The following ELAVL1 variants were observed in gnomAD, a reference collection of about 807,000 sequenced individuals.
The protein encoded by ELAVL1 is ELAV-like protein 1.
In ELAVL1, 1 loss-of-function variant was observed where a neutral mutation model predicts 28.4. The observed-to-expected ratio is 0.04, with a 90% CI of 0.01 to 0.17. The LOEUF (loss-of-function observed/expected upper bound fraction) is 0.17. Among genes scored for constraint, ELAVL1 ranks in the 10% least tolerant of loss-of-function variants. The pLI is 1.00. For synonymous variants in ELAVL1, 174 were observed against 183.5 expected (o/e 0.95, Z 0.42); for missense variants, 157 against 447.2 (o/e 0.35, Z 5.85).
rs1985380986 is a variant in ELAVL1, at chr19:7,979,016, C to T, written c.276+2067G>A. Reference sequence around the variant, plus strand: ...TCCCTCAGTATCAACGTATCTGGCCCAGCACCACACTGGCCAGGGGCTCAG... The same window carrying T: ...TCCCTCAGTATCAACGTATCTGGCCTAGCACCACACTGGCCAGGGGCTCAG... On this transcript the variant is annotated intron_variant, in intron 3 of 5. Transcript: ENST00000407627. The surrounding 1 kb of genome is among the most constrained non-coding windows in gnomAD (Gnocchi z 5.4). 6.6e-6 allele frequency among the ~76,000 whole-genome samples: 1 copy of T among 152,216 alleles called. No homozygotes were observed. Among genetic ancestry groups the T allele is most frequent in the South Asian group, 2.1e-4 (1 of 4,832 alleles).
intron 2 of ELAVL1, among the ~76,000 whole-genome samples, chr19:7,990,966 C>T (rs993746765): frequency 6.6e-6 from 1 of 152,148 alleles, no homozygotes; most frequent in Admixed American, 6.5e-5. Flanking sequence ...CAAACACCTA[C>T]GAGGTAGGGA....
chr19:7,984,160 C>T (rs920482906), intron 2 of ELAVL1, among the ~76,000 whole-genome samples: 3 of 152,206 alleles, frequency 2.0e-5, no homozygotes, highest in Non-Finnish European at 2.9e-5. Context: ...TGGTCAAGCT[C>T]TTCTCTGTCC....
rs1310305135 is a variant in ELAVL1 at position 7,981,394 on chromosome 19, G to A, written c.173-208C>T. On this transcript the variant is annotated intron_variant, in intron 2 of 5. Transcript: ENST00000407627. This position sits in a 1 kb window ranked among gnomAD's most constrained non-coding sequence, Gnocchi z 4.2. ...TTTTAAAGAGATAGGATCTTGCTCT[G>A]TCACCCAGGGTGGAGTCCAGCGCTG... Among the ~76,000 whole-genome samples, 6 of 145,278 alleles carry A rather than the reference G, an allele frequency of 4.1e-5. No homozygotes were observed. The highest frequency in any genetic ancestry group is 9.0e-5 in the Non-Finnish European group (6 of 66,852).
intron 4 of ELAVL1, among the ~76,000 whole-genome samples, chr19:7,969,515 G>A (rs1479926278): frequency 6.6e-6 from 1 of 152,162 alleles, no homozygotes; most frequent in Non-Finnish European, 1.5e-5. Context: ...GGAATATTCT[G>A]GGGCTCAAGC....
At chr19:7,970,792 G>T (rs1985086433) in intron 4 of ELAVL1, among the ~76,000 whole-genome samples, 1 of 148,632 alleles carries the variant, frequency 6.7e-6, no homozygotes, top group African/African-American at 2.5e-5. Context: ...GAACTCCTGG[G>T]CTCAAGCAAT....
At chr19:7,967,354 C>A (rs542317753) in intron 5 of ELAVL1, among the ~76,000 whole-genome samples, 1 of 152,300 alleles carries the variant, frequency 6.6e-6, no homozygotes, top group Middle Eastern at 3.4e-3. Context: ...TGTTTTGATT[C>A]CCATGAAAGA....
chr19:7,998,433 GT>G (rs750717850), intron 1 of ELAVL1, among the ~76,000 whole-genome samples: 2 of 152,202 alleles, frequency 1.3e-5, no homozygotes, highest in Non-Finnish European at 2.9e-5. Flanking sequence ...CCATTAATAA[GT>G]GGCAGGGCCA....
intron 3 of ELAVL1, among the ~76,000 whole-genome samples, chr19:7,978,915 G>A (rs1022449164): frequency 6.6e-6 from 1 of 152,146 alleles, no homozygotes; most frequent in African/African-American, 2.4e-5. Flanking sequence ...TCAGTTGAAC[G>A]CACAACTCCA....
chr19:7,977,808 G>A (rs1361153280), intron 3 of ELAVL1, among the ~76,000 whole-genome samples: 2 of 152,274 alleles, frequency 1.3e-5, no homozygotes, highest in East Asian at 1.9e-4. Flanking sequence ...CAAGGCTCCA[G>A]GAGGCCCTGC....
intron 1 of ELAVL1, among the ~76,000 whole-genome samples, chr19:8,003,807 T>C (rs2081077685): frequency 6.6e-6 from 1 of 152,144 alleles, no homozygotes; most frequent in Admixed American, 6.6e-5. Flanking sequence ...TCCTTCCACA[T>C]TTGAGACGTT....
chr19:7,996,683 G>T (rs897787580), intron 1 of ELAVL1, among the ~76,000 whole-genome samples: 1 of 151,932 alleles, frequency 6.6e-6, no homozygotes, highest in Non-Finnish European at 1.5e-5. Context: ...CGTGGTGGTG[G>T]GCATCTGTAA....
intron 1 of ELAVL1, among the ~76,000 whole-genome samples, chr19:8,004,514 G>T (rs1329095480): frequency 6.6e-6 from 1 of 152,178 alleles, no homozygotes; most frequent in Non-Finnish European, 1.5e-5. Context: ...CTGGCATCTA[G>T]TGGGTAGAGG....
At chr19:7,980,133 T>C (rs1985414705) in intron 3 of ELAVL1, among the ~76,000 whole-genome samples, 1 of 152,102 alleles carries the variant, frequency 6.6e-6, no homozygotes, top group South Asian at 2.1e-4. Flanking sequence ...TCATTCCAAA[T>C]GGCCTTGGAG....
At position 7,972,352 on chromosome 19, in the gene ELAVL1, C is replaced by T. The variant is rs118107220; in HGVS notation, c.430+1373G>A. On this transcript the variant is annotated intron_variant, in intron 4 of 5. Transcript: ENST00000407627. ...CCAGGCAGTAGGGCCGGAGCACAGC[C>T]GTGGGCGTGCACATGTCCCCTGCTC... Among the ~76,000 whole-genome samples the T allele has an allele frequency of 4.8e-3, 732 of 152,366 alleles. 7 individuals are homozygous for T. Among genetic ancestry groups the T allele is most frequent in the East Asian group, 0.025 (129 of 5,188 alleles).
At chr19:8,003,033 G>A (rs1252117240) in intron 1 of ELAVL1, among the ~76,000 whole-genome samples, 4 of 152,192 alleles carry the variant, frequency 2.6e-5, no homozygotes, top group Non-Finnish European at 5.9e-5. Flanking sequence ...GAAGCGGAGA[G>A]TGAGAGAGGC....
At chr19:7,978,683 C>T (rs1985370571) in intron 3 of ELAVL1, among the ~76,000 whole-genome samples, 1 of 152,176 alleles carries the variant, frequency 6.6e-6, no homozygotes, top group Admixed American at 6.5e-5. Flanking sequence ...GTGAGTCATG[C>T]ACCCTGAAGG....
At chr19:7,983,979 G>A in intron 2 of ELAVL1, among the ~76,000 whole-genome samples, 1 of 152,050 alleles carries the variant, frequency 6.6e-6, no homozygotes, top group East Asian at 1.9e-4. Context: ...CGTCTCCCTG[G>A]CTGTCCCTCC....
Position 7,979,673 on chromosome 19 carries a change from C to G in ELAVL1, c.276+1410G>C, listed in dbSNP as rs77815058. ...CTTGGCTGCCCTCACCAGCCCCCACCGGGGAAGGTGCCTCTGAGGACCTGC... is the reference window on the plus strand; with the variant it reads ...CTTGGCTGCCCTCACCAGCCCCCACGGGGGAAGGTGCCTCTGAGGACCTGC... On this transcript the variant is annotated intron_variant, in intron 3 of 5. Coordinates refer to ENST00000407627, the MANE Select transcript of ELAVL1 (RefSeq NM_001419.3). The surrounding 1 kb of genome is among the most constrained non-coding windows in gnomAD (Gnocchi z 5.4). Among the ~76,000 whole-genome samples the G allele has an allele frequency of 6.6e-6, 1 of 152,094 alleles. No individual in the cohort carries two copies. Among genetic ancestry groups the G allele is most frequent in the Non-Finnish European group, 1.5e-5 (1 of 67,988 alleles).
At chr19:7,998,148 C>A (rs2081055680) in intron 1 of ELAVL1, among the ~76,000 whole-genome samples, 1 of 152,154 alleles carries the variant, frequency 6.6e-6, no homozygotes, top group Non-Finnish European at 1.5e-5. Flanking sequence ...TCTGGGCCCC[C>A]ACCCCACTCT....
Sources: gnomAD v4.1 joint callset for allele counts (sites outside exome capture counted in the v4.1 genomes callset) on GRCh38, gnomAD v4.1.1 for gene constraint, Gnocchi (gnomAD v3.1) non-coding constraint, MANE v1.5 for transcripts, NCBI Gene and HGNC (gene_info 2026-07-23, HGNC 2026-07-21) for gene names.